Variants in NRG3 observed in about 807,000 individuals in gnomAD.
The protein encoded by NRG3 is pro-neuregulin-3, membrane-bound isoform.
Under a neutral mutation model 66.9 loss-of-function variants are expected in NRG3, and 31 were observed. That is an observed-to-expected ratio of 0.46 (90% confidence interval 0.35 to 0.63). The LOEUF (loss-of-function observed/expected upper bound fraction) is 0.63. Ranked by LOEUF, NRG3 falls within the 20% of genes least tolerant of loss-of-function variation. The pLI is 0.00. For synonymous variants in NRG3, 393 were observed against 359.4 expected, an observed-to-expected ratio of 1.09 and a Z score of -1.06; for missense variants, 910 against 878.9, an observed-to-expected ratio of 1.04 and a Z score of -0.45.
chr10:82,120,111 A>T (rs562803242), intron 1 of NRG3, among the ~76,000 whole-genome samples: 1 of 152,276 alleles, frequency 6.6e-6, no homozygotes, highest in South Asian at 2.1e-4. Context: ...TCAGGAAAAG[A>T]ACTCTTTGCC....
intron 1 of NRG3, among the ~76,000 whole-genome samples, chr10:82,165,240 A>T (rs1018307421): frequency 1.3e-5 from 2 of 152,180 alleles, no homozygotes; most frequent in Admixed American, 6.5e-5. Context: ...CAAATTTTCA[A>T]TGAGAAGTAG....
intron 3 of NRG3, among the ~76,000 whole-genome samples, chr10:82,765,552 C>T (rs950286086): frequency 1.3e-5 from 2 of 152,080 alleles, no homozygotes; most frequent in East Asian, 3.8e-4. Context: ...TAAATTAACA[C>T]TATTTTCCAG....
intron 3 of NRG3, among the ~76,000 whole-genome samples, chr10:82,824,356 G>T (rs2062088654): frequency 6.6e-6 from 1 of 152,270 alleles, no homozygotes; most frequent in East Asian, 1.9e-4. Context: ...GAGTAGACAT[G>T]TGTTTTTAAT....
intron 2 of NRG3, among the ~76,000 whole-genome samples, chr10:82,362,351 G>A (rs1283623349): frequency 6.8e-6 from 1 of 147,506 alleles, no homozygotes; most frequent in African/African-American, 2.5e-5. Context: ...GTGTGTGTGT[G>A]TGTGTGTGTG....
At chr10:82,584,774 A>G (rs2046564823) in intron 2 of NRG3, among the ~76,000 whole-genome samples, 1 of 152,210 alleles carries the variant, frequency 6.6e-6, no homozygotes, top group Non-Finnish European at 1.5e-5. Context: ...ATGCTTTGAC[A>G]GAACGCCAGC....
chr10:82,868,624 A>G (rs1436318438), intron 4 of NRG3, among the ~76,000 whole-genome samples: 2 of 152,202 alleles, frequency 1.3e-5, no homozygotes, highest in Non-Finnish European at 2.9e-5. Context: ...ATTCACCCCC[A>G]CAGATTGTTC....
chr10:82,959,165 T>C, intron 6 of NRG3, 90 bp downstream of exon 6: 1 of 1,399,796 alleles, frequency 7.1e-7, no homozygotes, highest in Admixed American at 2.7e-5. Flanking sequence ...GACTTGTAAA[T>C]ATTTTTCAGA....
chr10:82,202,684 A>C (rs2074903710), intron 1 of NRG3, among the ~76,000 whole-genome samples: 1 of 152,170 alleles, frequency 6.6e-6, no homozygotes, highest in African/African-American at 2.4e-5. Flanking sequence ...AATCAAAATC[A>C]ACGGCTTAAA....
Position 82,377,016 on chromosome 10 carries a change from C to T in NRG3, c.953+18148C>T, listed in dbSNP as rs142314709. Among the ~76,000 whole-genome samples, 42 of 152,286 alleles carry T rather than the reference C, an allele frequency of 2.8e-4. 1 individual carries two copies. The East Asian group carries it at 6.8e-3, about 24-fold the overall frequency. On this transcript the variant is annotated intron_variant, in intron 2 of 8. Coordinates refer to ENST00000372141, the MANE Select transcript of NRG3 (RefSeq NM_001010848.4). ...AACCCAAATCTCTCTTGCCTGCATT[C>T]GGTAAGCTTCTATTTGCTGATTGAA...
intron 2 of NRG3, among the ~76,000 whole-genome samples, chr10:82,690,453 G>A (rs149288535): frequency 0.011 from 1,632 of 152,114 alleles, 25 homozygotes; most frequent in African/African-American, 0.038. Flanking sequence ...GTGGAGAGTG[G>A]CTCTAGTGTG....
intron 1 of NRG3, among the ~76,000 whole-genome samples, chr10:82,296,183 A>G (rs751321042): frequency 1.3e-5 from 2 of 152,152 alleles, no homozygotes; most frequent in Admixed American, 6.6e-5. Context: ...GGTGTGGTAA[A>G]TGTAAAGTCA....
At chr10:82,805,182 A>G (rs1195767465) in intron 3 of NRG3, among the ~76,000 whole-genome samples, 1 of 152,174 alleles carries the variant, frequency 6.6e-6, no homozygotes. Flanking sequence ...ATGCTGCAAG[A>G]CCATCCCTTT....
At chr10:82,315,740 G>A (rs1048320911) in intron 1 of NRG3, among the ~76,000 whole-genome samples, 24 of 149,130 alleles carry the variant, frequency 1.6e-4, no homozygotes, top group Non-Finnish European at 1.9e-4. Context: ...GTGTCGGCTC[G>A]CTGCAACCTC....
chr10:82,185,814 C>T (rs530516524), intron 1 of NRG3, among the ~76,000 whole-genome samples: 2 of 152,280 alleles, frequency 1.3e-5, no homozygotes, highest in East Asian at 3.9e-4. Context: ...TACATCTCAT[C>T]ATTGGTTTTA....
chr10:82,217,590 T>G (rs9420913), intron 1 of NRG3, among the ~76,000 whole-genome samples: 16,872 of 152,176 alleles, frequency 0.11, 1,053 homozygotes, highest in Middle Eastern at 0.18. Flanking sequence ...AATACAACAT[T>G]TTTCTCGTAG....
chr10:82,433,029 G>C (rs2089924275), intron 2 of NRG3, among the ~76,000 whole-genome samples: 1 of 152,114 alleles, frequency 6.6e-6, no homozygotes, highest in Non-Finnish European at 1.5e-5. Flanking sequence ...GATCGTTGAG[G>C]AATCACCATA....
At chr10:82,915,994 A>G (rs1312181683) in intron 4 of NRG3, among the ~76,000 whole-genome samples, 1 of 152,130 alleles carries the variant, frequency 6.6e-6, no homozygotes, top group Non-Finnish European at 1.5e-5. Flanking sequence ...AGATCTCAGT[A>G]GCCTTTTTTA....
At chr10:82,385,103 A>G (rs1321378593) in intron 2 of NRG3, among the ~76,000 whole-genome samples, 6 of 152,086 alleles carry the variant, frequency 3.9e-5, no homozygotes, top group African/African-American at 1.4e-4. Context: ...TGTTGGCCAC[A>G]TGTATGTCTT....
intron 2 of NRG3, among the ~76,000 whole-genome samples, chr10:82,391,150 C>T (rs1344442573): frequency 6.6e-6 from 1 of 152,112 alleles, no homozygotes; most frequent in Non-Finnish European, 1.5e-5. Flanking sequence ...ACATTGCTAC[C>T]GGTAGCTAAT....
Sources: gnomAD v4.1 joint callset for allele counts (sites outside exome capture counted in the v4.1 genomes callset) on GRCh38, gnomAD v4.1.1 for gene constraint, MANE v1.5 for transcripts, NCBI Gene and HGNC (gene_info 2026-07-23, HGNC 2026-07-21) for gene names.